Variants in NBN observed in about 807,000 individuals in gnomAD.
NBN encodes the protein Nijmegen breakage syndrome 1 (nibrin).
A neutral mutation model predicts 90.8 loss-of-function variants in NBN; 88 were observed. The observed-to-expected ratio is 0.97, with a 90% CI of 0.82 to 1.16. NBN has a LOEUF of 1.16. NBN is among the 50% of genes most tolerant of loss of function. The pLI is 0.00. For missense variants in NBN, 894 were observed against 869.6 expected, an observed-to-expected ratio of 1.03 and a Z score of -0.35; for synonymous variants, 328 against 295.1, an observed-to-expected ratio of 1.11 and a Z score of -1.14.
In NBN at chr8:89,968,232, C is replaced by T. The variant is rs538079749; in HGVS notation, c.896+2132G>A. On this transcript the variant is annotated intron_variant, in intron 7 of 15. Coordinates refer to ENST00000265433, the MANE Select transcript of NBN (RefSeq NM_002485.5). ...CAAGATCACACCATTGCACTCCAGC[C>T]TGGAGTGAAACCATGTCTCAACATC... Among the ~76,000 whole-genome samples, 6 of 152,232 alleles carry T rather than the reference C, an allele frequency of 3.9e-5. No individual in the cohort carries two copies. The South Asian group carries it at 1.2e-3, about 32-fold the overall frequency.
intron 9 of NBN, 34 bp from the exon 10 acceptor site, chr8:89,955,589 T>C (rs775901449): frequency 6.2e-7 from 1 of 1,602,502 alleles, no homozygotes; most frequent in South Asian, 1.1e-5. Context: ...AGGTAAATAA[T>C]CAAGTTTACA....
intron 8 of NBN, among the ~76,000 whole-genome samples, chr8:89,962,894 A>G (rs1563545723): frequency 1.3e-5 from 2 of 152,160 alleles, no homozygotes; most frequent in Admixed American, 1.3e-4. Flanking sequence ...GTCACACATT[A>G]AAATATAAGC....
rs587781567 is a variant in NBN at position 89,943,336 on chromosome 8, G to A, written c.2101C>T (p.His701Tyr). The change falls in exon 14 of 16, where the codon CAC becomes TAC. Residue 701 changes from histidine (H) to tyrosine (Y), a missense_variant. Transcript: ENST00000265433. The stretch of plus-strand genomic sequence containing the variant: ...ATTAGATCTGATCCTCCAATGATGT[G>A]TGGAAGTTTTCCTGCTCCAGGATAT... ...VTYPGAGKLP[H>Y]IIGGSDLIAH... is the part of the protein sequence containing the mutation. 4.3e-6 allele frequency: 7 copies of A among 1,609,668 alleles called. No individual in the cohort carries two copies. The highest frequency in any genetic ancestry group is 6.0e-6 in the Non-Finnish European group (7 of 1,176,110).
At chr8:89,948,210 T>A (rs1435996471) in intron 11 of NBN, among the ~76,000 whole-genome samples, 2 of 152,154 alleles carry the variant, frequency 1.3e-5, no homozygotes, top group African/African-American at 4.8e-5. Context: ...AAAAAATGAC[T>A]ACAAAATTGC....
rs1242560658 is a variant in NBN, at chr8:89,953,094, T to G, written c.1845+150A>C. On this transcript the variant is annotated intron_variant, in intron 11 of 15. Coordinates refer to ENST00000265433, the MANE Select transcript of NBN (RefSeq NM_002485.5). The stretch of plus-strand genomic sequence containing the variant: ...CTGAAGAATCACTGTACTTTTAACA[T>G]TTACCATTTACCTTATCAACCAACA... 1.4e-5 allele frequency: 9 copies of G among 624,298 alleles called. No homozygotes were observed. The East Asian group carries it at 2.4e-4, about 17-fold the overall frequency. 38.7% of individuals were successfully genotyped at this position (624,298 alleles called of 1,614,324 possible). A position where few individuals can be genotyped will look rare whatever the true frequency, so the allele number is the denominator to read the frequency against.
intron 5 of NBN, 71 bp from the exon 6 acceptor site, chr8:89,971,361 C>CTCCGTT: frequency 6.7e-7 from 1 of 1,494,812 alleles, no homozygotes; most frequent in Non-Finnish European, 9.0e-7. Flanking sequence ...AACGGAGTGA[C>CTCCGTT]TATCTGACAC....
At position 89,964,435 on chromosome 8, in the gene NBN, A is replaced by G. The variant is rs773860553; in HGVS notation, c.969T>C (p.Cys323=). The G allele has an allele frequency of 1.3e-5, 21 of 1,613,870 alleles. No individual in the cohort carries two copies. Among genetic ancestry groups the G allele is most frequent in the Non-Finnish European group, 1.8e-5 (21 of 1,179,818 alleles). The change falls in exon 8 of 16, where the codon TGT becomes TGC. Residue 323 remains cysteine, a synonymous_variant. Coordinates refer to ENST00000265433, the MANE Select transcript of NBN (RefSeq NM_002485.5). ...AVIFMTTKNY[C]DPQGHPSTGL... is the part of the protein sequence containing the mutation. ...CTGTACTGGGATGGCCCTGAGGATC[A>G]CAGTAATTCTTTGTAGTCATGAAAA...
rs1812127469 is a variant in NBN at position 89,982,728 on chromosome 8, G to A, written c.165C>T (p.Thr55=). 1 of 1,613,100 alleles carries A rather than the reference G, an allele frequency of 6.2e-7. No homozygotes were observed. The highest frequency in any genetic ancestry group is 8.5e-7 in the Non-Finnish European group (1 of 1,179,110). Residue 55 remains threonine (T), a synonymous_variant, in exon 2 of 16, where the codon ACC becomes ACT. Coordinates refer to ENST00000265433, the MANE Select transcript of NBN (RefSeq NM_002485.5). ...AATAAAATTAGTAACATACCAGGTT[G>A]GTTACAGAAAAGTTAGCAGTTAACA... is the stretch of plus-strand genomic sequence containing the variant. The part of the protein sequence containing the change: ...HAVLTANFSV[T]NLSQTDEIPV...
At chr8:89,940,763 T>C (rs190576812) in intron 14 of NBN, among the ~76,000 whole-genome samples, 113 of 151,432 alleles carry the variant, frequency 7.5e-4, no homozygotes, top group African/African-American at 2.0e-3. Flanking sequence ...AATCAGATAA[T>C]AGAACAATGA....
chr8:89,942,099 T>A (rs1809976393), intron 14 of NBN, among the ~76,000 whole-genome samples: 1 of 152,200 alleles, frequency 6.6e-6, no homozygotes, highest in South Asian at 2.1e-4. Context: ...AAACCCAAGA[T>A]GTTGACTTTA....
At chr8:89,957,547 AG>A (rs1175626155) in intron 9 of NBN, among the ~76,000 whole-genome samples, 17 of 152,204 alleles carry the variant, frequency 1.1e-4, no homozygotes, top group Admixed American at 9.2e-4. Context: ...AATCATGTAC[AG>A]TAATGTCCTA....
rs1805786 is a variant in NBN at position 89,955,634 on chromosome 8, G to T, written c.1125-79C>A. On this transcript the variant is annotated intron_variant, in intron 9 of 15. Coordinates refer to ENST00000265433, the MANE Select transcript of NBN (RefSeq NM_002485.5). Reference sequence around the variant, plus strand: ...ATAGAGAAACAAAGATCGTTAAATAGTTCTAACGTAATATAACCTTAGAAG... The same window carrying T: ...ATAGAGAAACAAAGATCGTTAAATATTTCTAACGTAATATAACCTTAGAAG... 0.34 allele frequency: 478,865 copies of T among 1,428,956 alleles called. 81,713 individuals carry two copies. The highest frequency in any genetic ancestry group is 0.48 in the East Asian group (20,127 of 42,216). The allele number at this position is 1,428,956 out of a possible 1,614,324, so 88.5% of individuals were successfully genotyped here.
In NBN at chr8:89,953,437, C is replaced by G; in HGVS notation, c.1652G>C (p.Arg551Thr). The stretch of plus-strand genomic sequence containing the variant: ...TTCTATGGCCACATCATCCATTTCC[C>G]TTTTTTTATTTGATCTTAGCTTTTC... The part of the protein sequence containing the change: ...AAEKLRSNKK[R>T]EMDDVAIEDE... Residue 551 changes from arginine (R) to threonine (T), a missense_variant, in exon 11 of 16, where the codon AGG becomes ACG. Physicochemically the swap from Arg to Thr is moderately conservative, Grantham distance 71 (BLOSUM62 -1). Coordinates refer to ENST00000265433, the MANE Select transcript of NBN (RefSeq NM_002485.5). The G allele has an allele frequency of 6.2e-7, 1 of 1,613,758 alleles. No homozygotes were observed. Among genetic ancestry groups the G allele is most frequent in the East Asian group, 2.2e-5 (1 of 44,842 alleles).
chr8:89,957,853 G>C (rs1353257720), intron 9 of NBN, among the ~76,000 whole-genome samples: 2 of 152,178 alleles, frequency 1.3e-5, no homozygotes, highest in African/African-American at 4.8e-5. Flanking sequence ...TGAGGTTCCA[G>C]GTTTGCGGGC....
chr8:89,956,437 C>A (rs113049408), intron 9 of NBN, among the ~76,000 whole-genome samples: 15 of 151,696 alleles, frequency 9.9e-5, no homozygotes, highest in African/African-American at 3.4e-4. Flanking sequence ...AAGTGCTAAC[C>A]CCTTCCATTA....
In NBN at chr8:89,953,231, A is replaced by G. The variant is rs1339779522; in HGVS notation, c.1845+13T>C. 1.9e-6 allele frequency: 3 copies of G among 1,561,234 alleles called. No individual in the cohort carries two copies. Among genetic ancestry groups the G allele is most frequent in the Admixed American group, 3.3e-5 (2 of 59,916 alleles). ...TTCTATGTACTATACCTCTCATTTAAAATGTTACTTACAGATATTTTGCTA... is the reference window on the plus strand; with the variant it reads ...TTCTATGTACTATACCTCTCATTTAGAATGTTACTTACAGATATTTTGCTA... On this transcript the variant is annotated intron_variant, in intron 11 of 15. Coordinates refer to ENST00000265433, the MANE Select transcript of NBN (RefSeq NM_002485.5).
At chr8:89,958,027 G>A (rs925404896) in intron 9 of NBN, among the ~76,000 whole-genome samples, 1 of 152,160 alleles carries the variant, frequency 6.6e-6, no homozygotes, top group African/African-American at 2.4e-5. Flanking sequence ...TCCCATCTGA[G>A]GGTGATGGGA....
chr8:89,961,228 G>T (rs907310440), intron 8 of NBN, among the ~76,000 whole-genome samples: 8 of 152,202 alleles, frequency 5.3e-5, no homozygotes, highest in African/African-American at 1.4e-4. Flanking sequence ...TCAACAGTGG[G>T]TGACAATATT....
chr8:89,969,737 A>T (rs1243647908), intron 7 of NBN, among the ~76,000 whole-genome samples: 1 of 152,170 alleles, frequency 6.6e-6, no homozygotes, highest in Non-Finnish European at 1.5e-5. Flanking sequence ...GGATCATCTC[A>T]GGATGGGAGT....
Sources: gnomAD v4.1 joint callset for allele counts (sites outside exome capture counted in the v4.1 genomes callset) on GRCh38, gnomAD v4.1.1 for gene constraint, MANE v1.5 for transcripts, NCBI Gene and HGNC (gene_info 2026-07-23, HGNC 2026-07-21) for gene names.